FAT1: variants seen among roughly 807,000 people sequenced by gnomAD.
FAT1 encodes the protein FAT atypical cadherin 1.
Under a neutral mutation model 329.8 loss-of-function variants are expected in FAT1, and 171 were observed. That is an observed-to-expected ratio of 0.52 (90% CI 0.46 to 0.59). The LOEUF is 0.59. Ranked by LOEUF, FAT1 falls within the 20% of genes least tolerant of loss-of-function variation. FAT1 has a pLI of 0.00. For synonymous variants in FAT1, 2,233 were observed against 2,228.6 expected, an observed-to-expected ratio of 1.00 and a Z score of -0.06; for missense variants, 5,672 against 5,774.4, an observed-to-expected ratio of 0.98 and a Z score of 0.57.
chr4:186,627,277 C>A (rs937641364), intron 9 of FAT1, among the ~76,000 whole-genome samples: 2 of 144,910 alleles, frequency 1.4e-5, no homozygotes, highest in African/African-American at 5.3e-5. Flanking sequence ...CAACATGGCA[C>A]CTGGCACATA....
intron 2 of FAT1, among the ~76,000 whole-genome samples, chr4:186,692,560 C>T (rs1474177432): frequency 1.3e-5 from 2 of 152,168 alleles, no homozygotes; most frequent in Non-Finnish European, 2.9e-5. Context: ...GATCCGCCCG[C>T]CTCGGCCTCC....
intron 13 of FAT1, among the ~76,000 whole-genome samples, 195 bp downstream of exon 13, chr4:186,612,914 T>C (rs996830674): frequency 2.6e-5 from 4 of 152,218 alleles, no homozygotes; most frequent in South Asian, 2.1e-4. Flanking sequence ...GTAGGTTCAC[T>C]GGGCACAACT....
chr4:186,636,463 C>T, intron 5 of FAT1, 122 bp downstream of exon 5: 1 of 1,083,806 alleles, frequency 9.2e-7, no homozygotes, highest in Non-Finnish European at 1.3e-6. Context: ...CCTAATGGGG[C>T]CAGCAGGTCA....
At chr4:186,626,066 G>A (rs967827791) in intron 9 of FAT1, among the ~76,000 whole-genome samples, 6 of 122,520 alleles carry the variant, frequency 4.9e-5, no homozygotes, top group African/African-American at 1.3e-4. Flanking sequence ...CACATAAAGC[G>A]AGCTTCATCA....
At chr4:186,645,445 T>G (rs1309221276) in intron 3 of FAT1, among the ~76,000 whole-genome samples, 2 of 135,828 alleles carry the variant, frequency 1.5e-5, no homozygotes, top group Non-Finnish European at 3.2e-5. Context: ...CTGAGATATA[T>G]CCACATATGT....
At chr4:186,713,247 T>C (rs1745048368) in intron 1 of FAT1, among the ~76,000 whole-genome samples, 1 of 152,112 alleles carries the variant, frequency 6.6e-6, no homozygotes, top group Non-Finnish European at 1.5e-5. Context: ...CTCTGGAATG[T>C]ACGTTTCTCA....
At position 186,614,305 on chromosome 4, in the gene FAT1, C is replaced by T; in HGVS notation, c.9115G>A (p.Gly3039Arg). 4 of 1,582,570 alleles carry T rather than the reference C, an allele frequency of 2.5e-6. No individual in the cohort carries two copies. The highest frequency in any genetic ancestry group is 1.7e-6 in the Non-Finnish European group (2 of 1,168,772). The stretch of plus-strand genomic sequence containing the variant: ...GCAGAGATCTGCATGATCAATTTTC[C>T]AGGAAGGACGTCTTCAGGAATAGTG... ...SDTIPEDVLPGKLIMQISATD... is the reference protein window; with the variant it reads ...SDTIPEDVLPRKLIMQISATD... Residue 3039 changes from glycine to arginine, a missense_variant, in exon 12 of 27, where the codon GGA becomes AGA. Coordinates refer to ENST00000441802, the MANE Select transcript of FAT1 (RefSeq NM_005245.4).
rs762086255 is a variant in FAT1, at chr4:186,603,184, A to G, written c.11342T>C (p.Leu3781Pro). 42 of 1,613,608 alleles carry G rather than the reference A, an allele frequency of 2.6e-5. No individual in the cohort carries two copies. The highest frequency in any genetic ancestry group is 3.1e-5 in the Non-Finnish European group (36 of 1,179,770). ...ACACTCATGTGCAGTACCTTTGCAG[A>G]GACACACCGCTGCCCTGTGGTGGCG... ...TPRHHRAAVC[L>P]CKEGRCPPVH... is the part of the protein sequence containing the mutation. The change falls in exon 19 of 27, where the codon CTC becomes CCC. Residue 3781 changes from leucine to proline, a missense_variant. Transcript: ENST00000441802.
At chr4:186,635,945 T>A in intron 6 of FAT1, 80 bp downstream of exon 6, 1 of 1,230,970 alleles carries the variant, frequency 8.1e-7, no homozygotes, top group Non-Finnish European at 1.2e-6. Context: ...TCCTGACTTG[T>A]GCCCAAAACT....
At position 186,719,335 on chromosome 4, in the gene FAT1, C is replaced by A. The variant is rs187220335; in HGVS notation, c.-19+4329G>T. Among the ~76,000 whole-genome samples, 219 of 152,306 alleles carry A rather than the reference C, an allele frequency of 1.4e-3. 1 individual carries two copies. Among genetic ancestry groups the A allele is most frequent in the African/African-American group, 5.1e-3 (211 of 41,570 alleles). ...GTTCTGCATCCATGGATCCAACCAA[C>A]CTCAGGTTGAGAACGTCTTTAAAAT... On this transcript the variant is annotated intron_variant, in intron 1 of 26. Transcript: ENST00000441802.
At chr4:186,638,615 G>GCACACA (rs35176185) in intron 4 of FAT1, among the ~76,000 whole-genome samples, 8,286 of 139,968 alleles carry the variant, frequency 0.059, 230 homozygotes, top group Middle Eastern at 0.088. Context: ...AGTTCCCAAT[G>GCACACA]CACACACACA....
rs1287359540 is a variant in FAT1 at position 186,620,421 on chromosome 4, C to T, written c.6165G>A (p.Glu2055=). The T allele has an allele frequency of 1.9e-6, 3 of 1,614,016 alleles. No homozygotes were observed. The highest frequency in any genetic ancestry group is 1.7e-6 in the Non-Finnish European group (2 of 1,179,906). ...GGGCCACTGCAGAAGGCTTATGTTC[C>T]TCTGTCACTTCTACAACCACATCAA... ...EAFDVVVEVT[E]EHKPSAVAHV... is the part of the protein sequence containing the mutation. Residue 2055 remains glutamate (E), a synonymous_variant, in exon 10 of 27, where the codon GAG becomes GAA. Coordinates refer to ENST00000441802, the MANE Select transcript of FAT1 (RefSeq NM_005245.4).
intron 1 of FAT1, among the ~76,000 whole-genome samples, chr4:186,714,730 G>A (rs977536346): frequency 6.6e-6 from 1 of 152,220 alleles, no homozygotes; most frequent in African/African-American, 2.4e-5. Flanking sequence ...AGTAAATAAA[G>A]ATTTTTCTAC....
At position 186,588,874 on chromosome 4, in the gene FAT1, G is replaced by C. The variant is rs2126351752; in HGVS notation, c.13485C>G (p.Pro4495=). The part of the protein sequence containing the change: ...NLNQYLPNFY[P]LDMSEPQTKG... Reference sequence around the variant, plus strand: ...TTGTTTGAGGTTCAGACATATCGAGGGGATAAAAATTGGGCAAATACTGAT... The same window carrying C: ...TTGTTTGAGGTTCAGACATATCGAGCGGATAAAAATTGGGCAAATACTGAT... The change falls in exon 27 of 27, where the codon CCC becomes CCG. Residue 4495 remains proline, a synonymous_variant. Coordinates refer to ENST00000441802, the MANE Select transcript of FAT1 (RefSeq NM_005245.4). 1 of 1,613,946 alleles carries C rather than the reference G, an allele frequency of 6.2e-7. No homozygotes were observed. The highest frequency in any genetic ancestry group is 8.5e-7 in the Non-Finnish European group (1 of 1,179,886).
At chr4:186,592,562 T>C (rs1161176868) in intron 26 of FAT1, 3 of 393,066 alleles carry the variant, frequency 7.6e-6, no homozygotes, top group Non-Finnish European at 1.0e-5. Flanking sequence ...CACACCTGCA[T>C]AAAATAAAAG....
At chr4:186,605,742 GA>G (rs925290920) in intron 17 of FAT1, among the ~76,000 whole-genome samples, 24 of 148,784 alleles carry the variant, frequency 1.6e-4, no homozygotes, top group African/African-American at 5.7e-4. Flanking sequence ...TTGGGGGCTA[GA>G]AGAAGAGCAA....
chr4:186,637,120 G>T (rs1560956568), intron 4 of FAT1, among the ~76,000 whole-genome samples: 1 of 152,104 alleles, frequency 6.6e-6, no homozygotes, highest in Non-Finnish European at 1.5e-5. Flanking sequence ...AGAGTCAGGG[G>T]GCCGGGCATG....
chr4:186,604,480 G>C lies in FAT1; in HGVS notation c.10445C>G (p.Thr3482Ser), dbSNP rs930326660. 7 of 1,613,726 alleles carry C rather than the reference G, an allele frequency of 4.3e-6. No homozygotes were observed. Among genetic ancestry groups the C allele is most frequent in the Non-Finnish European group, 5.9e-6 (7 of 1,179,786 alleles). Residue 3482 changes from threonine to serine, a missense_variant, in exon 18 of 27, where the codon ACT becomes AGT. Thr to Ser is a moderately conservative substitution (Grantham distance 58, BLOSUM62 1). This residue lies in a region of FAT1 where 1,706 missense variants were observed against 1,859.1 expected (regional missense o/e 0.92). Transcript: ENST00000441802. ...NGPPFFFTIV[T>S]GNDEKAFEVN... ...TTCAAAAGCCTTCTCATCATTTCCA[G>C]TTACAATAGTAAAGAAGAAGGGTGG...
At position 186,708,506 on chromosome 4, in the gene FAT1, CTTG is replaced by C. The variant is rs760967821; in HGVS notation, c.1319_1321del (p.Thr440del). ...GACCTTGGTGGACGCTTTTCTGTCACTTGTTGTTACTTCAAGTTCAAAATGGGC... is the reference window on the plus strand; with the variant it reads ...GACCTTGGTGGACGCTTTTCTGTCACTTGTTACTTCAAGTTCAAAATGGGC... On this transcript the variant is annotated inframe_deletion, in exon 2 of 27. Transcript: ENST00000441802. The C allele has an allele frequency of 6.8e-6, 11 of 1,613,812 alleles. No individual in the cohort carries two copies. Among genetic ancestry groups the C allele is most frequent in the African/African-American group, 2.7e-5 (2 of 74,906 alleles).
Sources: allele counts gnomAD v4.1 joint callset (sites outside exome capture counted in the v4.1 genomes callset), GRCh38; gene constraint gnomAD v4.1.1; regional missense constraint gnomAD v4.1.1; transcripts MANE v1.5; gene names NCBI Gene and HGNC (gene_info 2026-07-23, HGNC 2026-07-21).